Variants in UQCC1 observed in about 807,000 individuals in gnomAD.
UQCC1 encodes the protein bFGF-repressed Zic-binding protein.
UQCC1 carries 38 observed loss-of-function variants against 48.0 expected under a neutral mutation model. The ratio of observed to expected loss-of-function variants is 0.79; its 90% CI spans 0.61 to 1.04. The LOEUF is 1.04. Ranked by LOEUF, UQCC1 falls within the 50% of genes least tolerant of loss-of-function variation. UQCC1 has a pLI of 0.00. For synonymous variants in UQCC1, 111 were observed against 129.2 expected (o/e 0.86, Z 0.95); for missense variants, 368 against 381.8 (o/e 0.96, Z 0.30).
chr20:35,361,190 G>C (rs867095852), intron 6 of UQCC1, among the ~76,000 whole-genome samples: 1 of 143,874 alleles, frequency 7.0e-6, no homozygotes, highest in South Asian at 2.6e-4. Context: ...TGGTGGCTGA[G>C]CATAAGATTT....
At chr20:35,354,065 C>A (rs941590561) in intron 6 of UQCC1, among the ~76,000 whole-genome samples, 2 of 151,992 alleles carry the variant, frequency 1.3e-5, no homozygotes, top group Non-Finnish European at 2.9e-5. Context: ...AGCCTAGGAG[C>A]CATAGGTCAT....
At chr20:35,408,438 A>C (rs1451216239) in intron 1 of UQCC1, among the ~76,000 whole-genome samples, 1 of 152,204 alleles carries the variant, frequency 6.6e-6, no homozygotes, top group Non-Finnish European at 1.5e-5. Flanking sequence ...AAAAACAAAC[A>C]AACAAAAACC....
At chr20:35,410,895 G>T (rs186782995) in intron 1 of UQCC1, among the ~76,000 whole-genome samples, 155 of 151,434 alleles carry the variant, frequency 1.0e-3, no homozygotes, top group African/African-American at 3.6e-3. Context: ...CAGTTACAGG[G>T]GCTACTCTAC....
intron 7 of UQCC1, among the ~76,000 whole-genome samples, chr20:35,339,341 G>A (rs1264023323): frequency 6.6e-6 from 1 of 152,174 alleles, no homozygotes; most frequent in African/African-American, 2.4e-5. Context: ...ACCATGGTAA[G>A]TTCAGAGAAG....
chr20:35,320,479 G>A (rs1256815030), intron 7 of UQCC1, among the ~76,000 whole-genome samples: 2 of 152,096 alleles, frequency 1.3e-5, no homozygotes, highest in Admixed American at 6.5e-5. Context: ...ACACTGGAAG[G>A]AATGTAGCTG....
At chr20:35,358,438 TAAAA>T (rs11167266) in intron 6 of UQCC1, among the ~76,000 whole-genome samples, 1 of 148,638 alleles carries the variant, frequency 6.7e-6, no homozygotes. Flanking sequence ...AAAATAAACT[TAAAA>T]AAATCTTGTA....
At chr20:35,389,035 C>T (rs1409190516) in intron 2 of UQCC1, among the ~76,000 whole-genome samples, 1 of 151,634 alleles carries the variant, frequency 6.6e-6, no homozygotes, top group Non-Finnish European at 1.5e-5. Flanking sequence ...CACTGCACTC[C>T]CACCTGGGCA....
intron 4 of UQCC1, among the ~76,000 whole-genome samples, chr20:35,375,088 A>C (rs1300883832): frequency 6.6e-6 from 1 of 152,216 alleles, no homozygotes; most frequent in Non-Finnish European, 1.5e-5. Context: ...TGAGCACTTC[A>C]ACAAGGCTTC....
intron 6 of UQCC1, among the ~76,000 whole-genome samples, chr20:35,361,694 C>T (rs2061607179): frequency 6.6e-6 from 1 of 152,138 alleles, no homozygotes; most frequent in African/African-American, 2.4e-5. Context: ...ATTTCCTCTC[C>T]ACCACATTCT....
intron 7 of UQCC1, chr20:35,315,421 C>G (rs1365288185): frequency 2.0e-5 from 3 of 151,884 alleles, no homozygotes; most frequent in Non-Finnish European, 4.4e-5. Context: ...AAGGGCCACT[C>G]AAAAGAGTTT....
At chr20:35,328,993 G>A (rs1570002) in intron 7 of UQCC1, among the ~76,000 whole-genome samples, 8,653 of 152,234 alleles carry the variant, frequency 0.057, 397 homozygotes, top group African/African-American at 0.12. Flanking sequence ...AGCATGTGGC[G>A]AGAGACAAAA....
At chr20:35,357,901 G>T (rs1250515053) in intron 6 of UQCC1, among the ~76,000 whole-genome samples, 1 of 151,900 alleles carries the variant, frequency 6.6e-6, no homozygotes, top group East Asian at 1.9e-4. Flanking sequence ...CATAATAAAT[G>T]CCTAAATTTA....
At chr20:35,347,836 T>C (rs1007378831) in intron 6 of UQCC1, among the ~76,000 whole-genome samples, 1 of 152,224 alleles carries the variant, frequency 6.6e-6, no homozygotes, top group Non-Finnish European at 1.5e-5. Context: ...CAATTTTTAA[T>C]ACTGCTTTCA....
chr20:35,368,090 C>G (rs765689241), intron 5 of UQCC1, among the ~76,000 whole-genome samples: 13 of 152,100 alleles, frequency 8.5e-5, no homozygotes, highest in Non-Finnish European at 1.5e-4. Flanking sequence ...GGAATTTGGG[C>G]CCTTATGGTA....
chr20:35,321,290 G>A (rs1054897957), intron 7 of UQCC1, among the ~76,000 whole-genome samples: 5 of 150,546 alleles, frequency 3.3e-5, no homozygotes, highest in South Asian at 2.1e-4. Flanking sequence ...GTGTGCGCGC[G>A]CGCGCGCGCA....
intron 5 of UQCC1, among the ~76,000 whole-genome samples, chr20:35,368,278 T>C (rs576919934): frequency 6.6e-6 from 1 of 152,296 alleles, no homozygotes; most frequent in East Asian, 1.9e-4. Context: ...TGTAATTCAC[T>C]GCGGGCTTAC....
chr20:35,404,792 T>G (rs2062227163), intron 1 of UQCC1, among the ~76,000 whole-genome samples: 2 of 152,140 alleles, frequency 1.3e-5, no homozygotes, highest in South Asian at 4.1e-4. Flanking sequence ...GAAAAAACCT[T>G]TTCCCCAGGA....
intron 1 of UQCC1, among the ~76,000 whole-genome samples, chr20:35,406,582 GC>G (rs1479952672): frequency 6.6e-6 from 1 of 152,222 alleles, no homozygotes; most frequent in African/African-American, 2.4e-5. Flanking sequence ...TAGTAGACTT[GC>G]CCTGCAAGAA....
chr20:35,323,013 AATTTTTTGT>A (rs1221039251), intron 7 of UQCC1, among the ~76,000 whole-genome samples: 1 of 151,796 alleles, frequency 6.6e-6, no homozygotes, highest in Non-Finnish European at 1.5e-5. Flanking sequence ...ATGCCCGGCT[AATTTTTTGT>A]ATTTTTAGTA....
Sources: allele counts gnomAD v4.1 joint callset (sites outside exome capture counted in the v4.1 genomes callset), GRCh38; gene constraint gnomAD v4.1.1; transcripts MANE v1.5; gene names NCBI Gene and HGNC (gene_info 2026-07-23, HGNC 2026-07-21).